Variants in SH3GL2 observed in about 807,000 individuals in gnomAD.
SH3GL2 encodes the protein endophilin-A1.
Under a neutral mutation model 46.0 loss-of-function variants are expected in SH3GL2, and 24 were observed. The observed-to-expected ratio is 0.52, with a 90% CI of 0.38 to 0.73. The LOEUF (loss-of-function observed/expected upper bound fraction) is 0.73, where lower values mean the gene tolerates loss of function less well. Ranked by LOEUF, SH3GL2 falls within the 30% of genes least tolerant of loss-of-function variation. The probability of loss-of-function intolerance (pLI) is 0.00; values close to 1 mark genes in which losing one functional copy is unlikely to be tolerated. For synonymous variants in SH3GL2, 196 were observed against 147.1 expected (o/e 1.33, Z -2.40); for missense variants, 413 against 424.2 (o/e 0.97, Z 0.23).
chr9:17,747,213 AG>A, intron 2 of SH3GL2, 79 bp downstream of exon 2: 1 of 837,736 alleles, frequency 1.2e-6, no homozygotes, highest in Non-Finnish European at 2.0e-6. Context: ...AAAACGGGAG[AG>A]GGCAACTGTT....
intron 2 of SH3GL2, 123 bp downstream of exon 2, chr9:17,747,257 T>C (rs1488696716): frequency 1.7e-6 from 1 of 575,520 alleles, no homozygotes; most frequent in African/African-American, 1.9e-5. Context: ...TACATTTTGT[T>C]ATTTAAAACT....
At chr9:17,663,933 C>T (rs1820283794) in intron 1 of SH3GL2, among the ~76,000 whole-genome samples, 1 of 152,182 alleles carries the variant, frequency 6.6e-6, no homozygotes, top group South Asian at 2.1e-4. Flanking sequence ...GAGAGAGACA[C>T]TTCTCTAGTC....
At chr9:17,705,139 A>C (rs1054010920) in intron 1 of SH3GL2, among the ~76,000 whole-genome samples, 2 of 152,116 alleles carry the variant, frequency 1.3e-5, no homozygotes, top group Admixed American at 6.6e-5. Context: ...GCATATAAAA[A>C]CATGCTCAAC....
chr9:17,607,612 A>G (rs1331277690), intron 1 of SH3GL2, among the ~76,000 whole-genome samples: 1 of 152,212 alleles, frequency 6.6e-6, no homozygotes, highest in Non-Finnish European at 1.5e-5. Context: ...ATTAAGTAGA[A>G]ATAACCTATT....
At chr9:17,644,133 A>G (rs1819750492) in intron 1 of SH3GL2, among the ~76,000 whole-genome samples, 1 of 152,180 alleles carries the variant, frequency 6.6e-6, no homozygotes, top group Non-Finnish European at 1.5e-5. Context: ...AGATGTTTAT[A>G]GTATTCTCTG....
intron 1 of SH3GL2, among the ~76,000 whole-genome samples, chr9:17,655,945 C>A (rs893874174): frequency 6.6e-6 from 1 of 152,134 alleles, no homozygotes; most frequent in Admixed American, 6.6e-5. Context: ...TTTTAAAGCC[C>A]AACTTGGCAC....
chr9:17,676,974 G>A (rs925550945), intron 1 of SH3GL2, among the ~76,000 whole-genome samples: 3 of 151,922 alleles, frequency 2.0e-5, no homozygotes, highest in Non-Finnish European at 4.4e-5. Flanking sequence ...GGCTTCCCTC[G>A]GGAGAGACTA....
intron 1 of SH3GL2, among the ~76,000 whole-genome samples, chr9:17,729,056 C>G (rs1270143998): frequency 1.3e-5 from 2 of 151,848 alleles, no homozygotes; most frequent in African/African-American, 4.8e-5. Context: ...GTCACACTTT[C>G]CACAATGACA....
At chr9:17,714,285 G>C (rs541547887) in intron 1 of SH3GL2, among the ~76,000 whole-genome samples, 59 of 151,610 alleles carry the variant, frequency 3.9e-4, no homozygotes, top group African/African-American at 1.4e-3. Flanking sequence ...AGCAAATATC[G>C]TTGGGTCTTC....
intron 1 of SH3GL2, among the ~76,000 whole-genome samples, chr9:17,666,707 CTG>C (rs1820353589): frequency 6.6e-6 from 1 of 151,996 alleles, no homozygotes; most frequent in African/African-American, 2.4e-5. Flanking sequence ...TTCGGAAACA[CTG>C]TAGTGGATAA....
chr9:17,691,393 C>G (rs182215787), intron 1 of SH3GL2, among the ~76,000 whole-genome samples: 36 of 152,150 alleles, frequency 2.4e-4, no homozygotes, highest in African/African-American at 8.2e-4. Context: ...ATTTGTTGGA[C>G]AGATAATAGA....
chr9:17,610,174 G>T (rs1818834482), intron 1 of SH3GL2, among the ~76,000 whole-genome samples: 2 of 152,186 alleles, frequency 1.3e-5, no homozygotes, highest in African/African-American at 2.4e-5. Flanking sequence ...CTTCCTCAGG[G>T]TATTGCAAGA....
chr9:17,766,763 G>A (rs762215830), intron 3 of SH3GL2, among the ~76,000 whole-genome samples: 14 of 152,174 alleles, frequency 9.2e-5, no homozygotes, highest in Non-Finnish European at 1.5e-4. Flanking sequence ...GTGCTCAGCA[G>A]CCCGCTGTGG....
rs376280314 is a variant in SH3GL2, at chr9:17,738,641, T to TATATATATATATAGAG, written c.46-8424_46-8423insTATATATATATAGAGA. On this transcript the variant is annotated intron_variant, in intron 1 of 8. Transcript: ENST00000380607. ...TCATGTGATTTTATATATATATATA[T>TATATATATATATAGAG]AGAGAGAGAGAGAGAGAGAGAGAGA... Among the ~76,000 whole-genome samples, 273 of 88,840 alleles carry TATATATATATATAGAG rather than the reference T, an allele frequency of 3.1e-3. 1 individual carries two copies. The highest frequency in any genetic ancestry group is 4.9e-3 in the South Asian group (10 of 2,038). The allele number at this position is 88,840 out of a possible 152,430, so 58.3% of individuals were successfully genotyped here.
At chr9:17,719,174 T>C (rs1016379058) in intron 1 of SH3GL2, among the ~76,000 whole-genome samples, 5 of 152,148 alleles carry the variant, frequency 3.3e-5, no homozygotes, top group African/African-American at 1.2e-4. Context: ...CAATTGAATG[T>C]CAAGTGCCTT....
At chr9:17,633,806 C>G (rs987709969) in intron 1 of SH3GL2, among the ~76,000 whole-genome samples, 2 of 152,142 alleles carry the variant, frequency 1.3e-5, no homozygotes, top group African/African-American at 4.8e-5. Flanking sequence ...TGAGTATTTT[C>G]TAATACCTTT....
intron 3 of SH3GL2, among the ~76,000 whole-genome samples, chr9:17,773,162 C>T (rs1385588260): frequency 6.6e-6 from 1 of 152,016 alleles, no homozygotes; most frequent in Non-Finnish European, 1.5e-5. Context: ...CAAGCCTTCG[C>T]TCATTTATTA....
intron 1 of SH3GL2, among the ~76,000 whole-genome samples, chr9:17,718,067 A>C (rs3808691): frequency 6.6e-6 from 1 of 152,148 alleles, no homozygotes; most frequent in African/African-American, 2.4e-5. Context: ...CATGAATTCA[A>C]ATCTTGTAAG....
chr9:17,793,561 A>T, intron 8 of SH3GL2, 64 bp downstream of exon 8: 1 of 1,509,916 alleles, frequency 6.6e-7, no homozygotes, highest in Non-Finnish European at 9.1e-7. Context: ...ACTCTTCCAG[A>T]AATTTTAGGA....
Sources: allele counts gnomAD v4.1 joint callset (sites outside exome capture counted in the v4.1 genomes callset), GRCh38; gene constraint gnomAD v4.1.1; transcripts MANE v1.5; gene names NCBI Gene and HGNC (gene_info 2026-07-23, HGNC 2026-07-21).